Variants in PRKCA observed in about 807,000 individuals in gnomAD.
PRKCA encodes the protein protein kinase C alpha.
A neutral mutation model predicts 87.0 loss-of-function variants in PRKCA; 27 were observed. The observed-to-expected ratio is 0.31, with a 90% CI of 0.23 to 0.43. The LOEUF (loss-of-function observed/expected upper bound fraction) is 0.43, where lower values mean the gene tolerates loss of function less well. Among genes scored for constraint, PRKCA ranks in the 20% least tolerant of loss-of-function variants. The pLI, the probability that PRKCA is intolerant of heterozygous loss-of-function variation, is 1.00. For synonymous variants in PRKCA, 329 were observed against 311.1 expected (o/e 1.06, Z -0.61); for missense variants, 518 against 852.3 (o/e 0.61, Z 4.88).
intron 2 of PRKCA, among the ~76,000 whole-genome samples, chr17:66,441,503 T>C (rs1179677753): frequency 6.6e-6 from 1 of 152,216 alleles, no homozygotes; most frequent in Non-Finnish European, 1.5e-5. Flanking sequence ...CCCCATCTGT[T>C]TGCTCATGTA....
chr17:66,312,356 G>A (rs910637803), intron 2 of PRKCA, among the ~76,000 whole-genome samples: 5 of 152,098 alleles, frequency 3.3e-5, no homozygotes, highest in African/African-American at 9.7e-5. Flanking sequence ...TGATACTATT[G>A]AAATTTAAGT....
intron 3 of PRKCA, among the ~76,000 whole-genome samples, chr17:66,613,481 C>T (rs368443302): frequency 2.0e-5 from 3 of 152,140 alleles, no homozygotes; most frequent in Non-Finnish European, 2.9e-5. Flanking sequence ...CTTAAAACAA[C>T]GGAAATTTAT....
intron 3 of PRKCA, among the ~76,000 whole-genome samples, chr17:66,534,195 CG>C (rs1967680141): frequency 6.6e-6 from 1 of 152,006 alleles, no homozygotes; most frequent in Non-Finnish European, 1.5e-5. Context: ...ATATTCCCCT[CG>C]GGTAGGAACT....
chr17:66,462,819 T>G (rs938644051), intron 2 of PRKCA, among the ~76,000 whole-genome samples: 1 of 152,160 alleles, frequency 6.6e-6, no homozygotes, highest in Non-Finnish European at 1.5e-5. Context: ...TAAGAATCTC[T>G]TATTAAAAGT....
At chr17:66,442,219 TG>T (rs1913806801) in intron 2 of PRKCA, among the ~76,000 whole-genome samples, 2 of 144,572 alleles carry the variant, frequency 1.4e-5, no homozygotes, top group African/African-American at 5.5e-5. Context: ...CTGCCATGCC[TG>T]GCTGATTTTT....
intron 8 of PRKCA, among the ~76,000 whole-genome samples, chr17:66,729,991 C>T (rs1190622955): frequency 1.3e-5 from 2 of 152,044 alleles, no homozygotes; most frequent in African/African-American, 4.8e-5. Context: ...CAGGGTTTCA[C>T]CATGTTGGCC....
chr17:66,408,709 G>C (rs910149881), intron 2 of PRKCA, among the ~76,000 whole-genome samples: 10 of 152,106 alleles, frequency 6.6e-5, no homozygotes, highest in Admixed American at 1.3e-4. Context: ...CAAATAATTT[G>C]CTGCTCATTA....
At chr17:66,717,177 A>G (rs755078368) in intron 8 of PRKCA, among the ~76,000 whole-genome samples, 6 of 152,224 alleles carry the variant, frequency 3.9e-5, no homozygotes, top group Non-Finnish European at 7.3e-5. Context: ...TGCGTGATAC[A>G]GGGCAAGGGT....
chr17:66,623,883 C>T (rs1970765221), intron 3 of PRKCA, among the ~76,000 whole-genome samples: 1 of 151,906 alleles, frequency 6.6e-6, no homozygotes, highest in Admixed American at 6.6e-5. Flanking sequence ...TGATGGACAG[C>T]AAGTGCAAAG....
chr17:66,370,149 C>T (rs1427221322), intron 2 of PRKCA, among the ~76,000 whole-genome samples: 1 of 151,916 alleles, frequency 6.6e-6, no homozygotes, highest in Non-Finnish European at 1.5e-5. Context: ...TAAGGACAGT[C>T]CTTCCACATC....
rs138280627 is a variant in PRKCA at position 66,478,185 on chromosome 17, G to T, written c.206-18016G>T. Among the ~76,000 whole-genome samples the T allele has an allele frequency of 2.8e-3, 424 of 152,298 alleles. 5 individuals carry two copies. Among genetic ancestry groups the T allele is most frequent in the African/African-American group, 9.7e-3 (403 of 41,556 alleles). Reference sequence around the variant, plus strand: ...AGTTTTTCATCAGCTGTTCACATGTGAGAGGGAGTAGAGGAATAGTCACTT... The same window carrying T: ...AGTTTTTCATCAGCTGTTCACATGTTAGAGGGAGTAGAGGAATAGTCACTT... On this transcript the variant is annotated intron_variant, in intron 2 of 16. Transcript: ENST00000413366.
intron 3 of PRKCA, among the ~76,000 whole-genome samples, chr17:66,505,396 C>A (rs1265512721): frequency 6.6e-6 from 1 of 152,058 alleles, no homozygotes; most frequent in Non-Finnish European, 1.5e-5. Context: ...AAATGCGCGA[C>A]GTAATTACAA....
At chr17:66,732,930 A>G (rs977600348) in intron 9 of PRKCA, 105 bp downstream of exon 9, 96 of 1,393,964 alleles carry the variant, frequency 6.9e-5, no homozygotes, top group Non-Finnish European at 9.0e-5. Context: ...TTTCCCTGTG[A>G]TTCAAGGTCA....
intron 8 of PRKCA, among the ~76,000 whole-genome samples, chr17:66,705,172 GA>G (rs1050076826): frequency 3.3e-5 from 5 of 152,162 alleles, no homozygotes; most frequent in East Asian, 3.9e-4. Context: ...TGTTAAGGGG[GA>G]AAAAAATCTA....
intron 14 of PRKCA, among the ~76,000 whole-genome samples, chr17:66,780,217 C>T (rs1196820774): frequency 2.0e-5 from 3 of 152,146 alleles, no homozygotes; most frequent in African/African-American, 7.2e-5. Context: ...GATGAGGGTA[C>T]ATGCTGGAAG....
Position 66,627,654 on chromosome 17 carries a change from G to A in PRKCA, c.289-13701G>A, listed in dbSNP as rs547186648. Among the ~76,000 whole-genome samples, 5 of 152,272 alleles carry A rather than the reference G, an allele frequency of 3.3e-5. 1 individual carries two copies. Among genetic ancestry groups the A allele is most frequent in the Admixed American group, 6.5e-5 (1 of 15,294 alleles). On this transcript the variant is annotated intron_variant, in intron 3 of 16. Coordinates refer to ENST00000413366, the MANE Select transcript of PRKCA (RefSeq NM_002737.3). ...TTTACCCAGTCACAGCTATAAAACC[G>A]AATCCAGTGGATCAACTAAAACTAA...
At chr17:66,577,139 G>T (rs931222984) in intron 3 of PRKCA, among the ~76,000 whole-genome samples, 1 of 152,044 alleles carries the variant, frequency 6.6e-6, no homozygotes, top group African/African-American at 2.4e-5. Flanking sequence ...CAGAGTGCTG[G>T]GATTACAGGT....
intron 5 of PRKCA, among the ~76,000 whole-genome samples, chr17:66,683,673 C>T (rs931853996): frequency 6.6e-6 from 1 of 152,142 alleles, no homozygotes; most frequent in Non-Finnish European, 1.5e-5. Flanking sequence ...GATCTCAGCT[C>T]ACTGCAGCCT....
intron 3 of PRKCA, among the ~76,000 whole-genome samples, chr17:66,567,601 C>T (rs72845925): frequency 0.059 from 8,935 of 152,214 alleles, 336 homozygotes; most frequent in Non-Finnish European, 0.084. Flanking sequence ...CCATCTCTCC[C>T]CTTTCCCAGT....
Sources: gnomAD v4.1 joint callset for allele counts (sites outside exome capture counted in the v4.1 genomes callset) on GRCh38, gnomAD v4.1.1 for gene constraint, MANE v1.5 for transcripts, NCBI Gene and HGNC (gene_info 2026-07-23, HGNC 2026-07-21) for gene names.